Variants in SATB2 observed in about 807,000 individuals in gnomAD.
The protein encoded by SATB2 is DNA-binding protein SATB2.
In SATB2, 1 loss-of-function variant was observed where a neutral mutation model predicts 73.4. That is an observed-to-expected ratio of 0.01 (90% CI 0.00 to 0.06). The LOEUF (loss-of-function observed/expected upper bound fraction) is 0.06, where lower values mean the gene tolerates loss of function less well. Ranked by LOEUF, SATB2 falls within the 10% of genes least tolerant of loss-of-function variation. The pLI is 1.00. For missense variants in SATB2, 459 were observed against 945.8 expected, an observed-to-expected ratio of 0.49 and a Z score of 6.75; for synonymous variants, 397 against 367.0, an observed-to-expected ratio of 1.08 and a Z score of -0.93.
chr2:199,335,065 G>A (rs1320868891), intron 7 of SATB2, among the ~76,000 whole-genome samples: 3 of 152,036 alleles, frequency 2.0e-5, no homozygotes, highest in African/African-American at 7.2e-5. Flanking sequence ...GCTTAGCCAC[G>A]AAGCCAGAGT....
intron 2 of SATB2, among the ~76,000 whole-genome samples, chr2:199,443,302 G>A (rs1464507704): frequency 6.6e-6 from 1 of 151,908 alleles, no homozygotes; most frequent in African/African-American, 2.4e-5. Flanking sequence ...AAGGTTAACA[G>A]TACTGAGGTC....
At chr2:199,318,653 CT>C (rs1305037622) in intron 9 of SATB2, among the ~76,000 whole-genome samples, 2 of 151,948 alleles carry the variant, frequency 1.3e-5, no homozygotes. Flanking sequence ...TTCTTCGTCA[CT>C]TTCTGAATTT....
In SATB2 at chr2:199,308,838, G is replaced by A; in HGVS notation, c.1662C>T (p.Val554=). The A allele has an allele frequency of 1.2e-6, 2 of 1,614,082 alleles. No homozygotes were observed. Among genetic ancestry groups the A allele is most frequent in the Non-Finnish European group, 1.7e-6 (2 of 1,179,960 alleles). ...GATGCCTTGACTCCTCCTCATAGAT[G>A]ACATCCCTCTCATGCTGGGGAAGGT... ...FLNLPQHERD[V]IYEEESRHHH... is the part of the protein sequence containing the mutation. Residue 554 remains valine, a synonymous_variant, in exon 10 of 11, where the codon GTC becomes GTT. Coordinates refer to ENST00000417098, the MANE Select transcript of SATB2 (RefSeq NM_001172509.2). This position sits in a 1 kb window ranked among gnomAD's most constrained non-coding sequence, Gnocchi z 4.6.
chr2:199,374,724 G>A (rs1043012398), intron 5 of SATB2, among the ~76,000 whole-genome samples: 5 of 152,094 alleles, frequency 3.3e-5, no homozygotes, highest in African/African-American at 1.2e-4. Context: ...AGCATTTTGG[G>A]AGGCCGAGGC....
intron 9 of SATB2, 64 bp downstream of exon 9, chr2:199,323,739 T>C (rs952579961): frequency 1.1e-5 from 16 of 1,454,676 alleles, no homozygotes; most frequent in Non-Finnish European, 1.4e-5. Context: ...TGTATTTTTA[T>C]TGGTGGAGGA....
rs1260812996 is a variant in SATB2, at chr2:199,457,314, G to A, written c.-60+25C>T. Reference sequence around the variant, plus strand: ...TTCCCCGAACTCCCGAGCGCGGCGCGGGAGCCCTCGCCCTGCGTACTTACT... The same window carrying A: ...TTCCCCGAACTCCCGAGCGCGGCGCAGGAGCCCTCGCCCTGCGTACTTACT... On this transcript the variant is annotated intron_variant, in intron 1 of 10. Coordinates refer to ENST00000417098, the MANE Select transcript of SATB2 (RefSeq NM_001172509.2). This position sits in a 1 kb window ranked among gnomAD's most constrained non-coding sequence, Gnocchi z 4.8. 6.6e-6 allele frequency: 1 copy of A among 152,086 alleles called. No individual in the cohort carries two copies. Among genetic ancestry groups the A allele is most frequent in the Non-Finnish European group, 1.5e-5 (1 of 68,040 alleles). 9.4% of individuals were successfully genotyped at this position (152,086 alleles called of 1,614,324 possible).
chr2:199,437,885 A>G (rs1315489411), intron 2 of SATB2, among the ~76,000 whole-genome samples: 2 of 152,180 alleles, frequency 1.3e-5, no homozygotes, highest in Admixed American at 6.5e-5. Flanking sequence ...GATGATACTA[A>G]TAATTATTGA....
chr2:199,286,072 T>C (rs1296475092), intron 10 of SATB2, among the ~76,000 whole-genome samples: 1 of 151,980 alleles, frequency 6.6e-6, no homozygotes, highest in Non-Finnish European at 1.5e-5. Context: ...CTTTGGCTTA[T>C]ATCATTTCCT....
intron 5 of SATB2, 99 bp downstream of exon 5, chr2:199,380,265 A>G: frequency 7.0e-7 from 1 of 1,425,996 alleles, no homozygotes; most frequent in Non-Finnish European, 9.9e-7. Flanking sequence ...CTATAAATAA[A>G]AGACAGAGAA....
In SATB2 at chr2:199,275,189, A is replaced by T. The variant is rs531457464; in HGVS notation, c.1741-2517T>A. Among the ~76,000 whole-genome samples, 4 of 152,274 alleles carry T rather than the reference A, an allele frequency of 2.6e-5. No individual in the cohort carries two copies. The South Asian group carries it at 6.2e-4, about 24-fold the overall frequency. On this transcript the variant is annotated intron_variant, in intron 10 of 10. Transcript: ENST00000417098. ...GTTCTTCAGGGATTTTCCACTGTGC[A>T]CTGGTTAGATTTAAAGAGATTTTCC...
chr2:199,377,250 A>C (rs1170917953), intron 5 of SATB2, among the ~76,000 whole-genome samples: 1 of 152,028 alleles, frequency 6.6e-6, no homozygotes, highest in Non-Finnish European at 1.5e-5. Context: ...GTGGTGGCAC[A>C]TGCCTGTGGT....
chr2:199,391,542 T>C (rs1690141490), intron 3 of SATB2, among the ~76,000 whole-genome samples: 1 of 152,102 alleles, frequency 6.6e-6, no homozygotes, highest in South Asian at 2.1e-4. Flanking sequence ...TTATTAAACC[T>C]AATGCACACA....
At chr2:199,352,494 G>A (rs1037858148) in intron 6 of SATB2, among the ~76,000 whole-genome samples, 3 of 152,100 alleles carry the variant, frequency 2.0e-5, no homozygotes, top group African/African-American at 4.8e-5. Context: ...CTATCCTTAT[G>A]AGTTTCCAGG....
chr2:199,453,993 T>G (rs1692202671), intron 2 of SATB2, among the ~76,000 whole-genome samples: 1 of 152,114 alleles, frequency 6.6e-6, no homozygotes, highest in Admixed American at 6.5e-5. Context: ...CTAAGGCAGC[T>G]GGTTGAAACA....
intron 10 of SATB2, among the ~76,000 whole-genome samples, chr2:199,276,538 G>C (rs187117895): frequency 6.6e-6 from 1 of 151,866 alleles, no homozygotes; most frequent in Non-Finnish European, 1.5e-5. Context: ...TGACAGTTTG[G>C]GCATAATTTT....
chr2:199,321,219 T>C (rs1687875021), intron 9 of SATB2, among the ~76,000 whole-genome samples: 4 of 152,074 alleles, frequency 2.6e-5, no homozygotes, highest in Non-Finnish European at 5.9e-5. Context: ...CTAAGAGAGA[T>C]ATATAAGTCT....
intron 2 of SATB2, among the ~76,000 whole-genome samples, chr2:199,445,194 T>C (rs1016033620): frequency 6.6e-6 from 1 of 152,186 alleles, no homozygotes; most frequent in African/African-American, 2.4e-5. Context: ...TGAGAATTAT[T>C]TTGCTATAAA....
intron 6 of SATB2, among the ~76,000 whole-genome samples, chr2:199,368,225 C>G (rs775789467): frequency 6.6e-5 from 10 of 152,134 alleles, no homozygotes; most frequent in Non-Finnish European, 1.3e-4. Context: ...GACACAGGAA[C>G]ACAACATCAA....
chr2:199,340,954 A>C (rs996818127), intron 7 of SATB2, among the ~76,000 whole-genome samples: 2 of 120,868 alleles, frequency 1.7e-5, no homozygotes, highest in African/African-American at 5.0e-5. Flanking sequence ...GGATTTTCAA[A>C]TAAATTAGAG....
Sources: allele counts gnomAD v4.1 joint callset (sites outside exome capture counted in the v4.1 genomes callset), GRCh38; gene constraint gnomAD v4.1.1; non-coding constraint Gnocchi (gnomAD v3.1); transcripts MANE v1.5; gene names NCBI Gene and HGNC (gene_info 2026-07-23, HGNC 2026-07-21).